Variants in ELL2 observed in about 807,000 individuals in gnomAD.
ELL2 encodes the protein RNA polymerase II elongation factor ELL2.
A neutral mutation model predicts 72.8 loss-of-function variants in ELL2; 21 were observed. The observed-to-expected ratio is 0.29, with a 90% CI of 0.20 to 0.42. The LOEUF (loss-of-function observed/expected upper bound fraction) is 0.42. Among genes scored for constraint, ELL2 ranks in the 10% least tolerant of loss-of-function variants. The probability of loss-of-function intolerance (pLI) is 1.00; values close to 1 mark genes in which losing one functional copy is unlikely to be tolerated. For missense variants in ELL2, 568 were observed against 772.8 expected (o/e 0.73, Z 3.14); for synonymous variants, 266 against 283.2 (o/e 0.94, Z 0.61).
intron 2 of ELL2, among the ~76,000 whole-genome samples, chr5:95,924,002 A>G (rs1428047315): frequency 1.3e-5 from 2 of 152,188 alleles, no homozygotes; most frequent in Non-Finnish European, 2.9e-5. Context: ...GACTTATTGG[A>G]AAGAGCAGGT....
chr5:95,951,957 T>G (rs374405650), intron 1 of ELL2, among the ~76,000 whole-genome samples: 1 of 152,224 alleles, frequency 6.6e-6, no homozygotes, highest in Admixed American at 6.5e-5. Context: ...TAGAGAGTTC[T>G]GCCACTTACT....
At chr5:95,957,725 G>A (rs1751672697) in intron 1 of ELL2, among the ~76,000 whole-genome samples, 2 of 152,100 alleles carry the variant, frequency 1.3e-5, no homozygotes, top group Non-Finnish European at 2.9e-5. Context: ...AATAATGAAG[G>A]TCAAGTAGGA....
At chr5:95,950,666 C>A (rs905386586) in intron 1 of ELL2, among the ~76,000 whole-genome samples, 10 of 151,392 alleles carry the variant, frequency 6.6e-5, no homozygotes, top group African/African-American at 2.2e-4. Flanking sequence ...GTCAATGTAA[C>A]CTTAGATTCA....
At chr5:95,889,064 A>G (rs1748563508) in intron 11 of ELL2, 22 bp downstream of exon 11, 1 of 1,606,500 alleles carries the variant, frequency 6.2e-7, no homozygotes, top group Non-Finnish European at 8.5e-7. Flanking sequence ...CAGGTCAGAA[A>G]ATCAACAGTG....
intron 2 of ELL2, 157 bp downstream of exon 2, chr5:95,942,845 T>C: frequency 2.4e-6 from 1 of 408,954 alleles, no homozygotes; most frequent in Non-Finnish European, 4.4e-6. Context: ...ATAAGATAAT[T>C]CAAGCATCTT....
intron 2 of ELL2, among the ~76,000 whole-genome samples, chr5:95,925,727 T>C (rs989542095): frequency 4.6e-5 from 7 of 152,194 alleles, no homozygotes; most frequent in African/African-American, 1.7e-4. Context: ...ATTTAGGAAA[T>C]GCCAAGTTAA....
chr5:95,897,040 T>G (rs1748902766), intron 8 of ELL2, among the ~76,000 whole-genome samples: 1 of 152,226 alleles, frequency 6.6e-6, no homozygotes, highest in South Asian at 2.1e-4. Context: ...AGCTTACACC[T>G]ACCTTTTGTG....
chr5:95,917,071 A>G (rs143174311), intron 3 of ELL2, among the ~76,000 whole-genome samples: 1 of 152,274 alleles, frequency 6.6e-6, no homozygotes, highest in East Asian at 1.9e-4. Flanking sequence ...GAAAGTTTAA[A>G]TATTTTAGAC....
intron 1 of ELL2, among the ~76,000 whole-genome samples, chr5:95,951,772 G>A (rs1046809847): frequency 6.6e-6 from 1 of 152,190 alleles, no homozygotes; most frequent in African/African-American, 2.4e-5. Context: ...AGGCCACCTC[G>A]AAGTTTATGG....
intron 2 of ELL2, among the ~76,000 whole-genome samples, chr5:95,923,436 G>C (rs1750171605): frequency 6.6e-6 from 1 of 152,064 alleles, no homozygotes; most frequent in East Asian, 1.9e-4. Context: ...TAACACTATG[G>C]GTATATTTGA....
At chr5:95,943,307 C>T (rs1380529726) in intron 1 of ELL2, among the ~76,000 whole-genome samples, 1 of 151,484 alleles carries the variant, frequency 6.6e-6, no homozygotes, top group Non-Finnish European at 1.5e-5. Context: ...TGTATTTGGT[C>T]AGTGTCATAA....
At chr5:95,907,268 T>C (rs1749397462) in intron 4 of ELL2, among the ~76,000 whole-genome samples, 1 of 143,794 alleles carries the variant, frequency 7.0e-6, no homozygotes, top group South Asian at 2.3e-4. Context: ...TCATGAGGCA[T>C]CCGTTAGTGA....
At chr5:95,890,870 A>T (rs1417557035) in intron 10 of ELL2, 21 of 527,000 alleles carry the variant, frequency 4.0e-5, no homozygotes, top group Non-Finnish European at 6.8e-6. Context: ...TTTTCTCAAT[A>T]TGTGATACAT....
chr5:95,923,240 G>GAAA (rs11401689), intron 2 of ELL2, among the ~76,000 whole-genome samples: 81 of 142,218 alleles, frequency 5.7e-4, no homozygotes, highest in African/African-American at 1.9e-3. Context: ...AAAATAAAGT[G>GAAA]AAAAAAAAAA....
Position 95,901,770 on chromosome 5 carries a change from T to G in ELL2, c.742-690A>C, listed in dbSNP as rs559000146. ...CACTGCTGTGGTATCTCAGTGCATGTGTCCAGGTAACCCTTACTGCACTTA... is the reference window on the plus strand; with the variant it reads ...CACTGCTGTGGTATCTCAGTGCATGGGTCCAGGTAACCCTTACTGCACTTA... On this transcript the variant is annotated intron_variant, in intron 5 of 11. Transcript: ENST00000237853. 7.2e-4 allele frequency among the ~76,000 whole-genome samples: 110 copies of G among 152,340 alleles called. No individual in the cohort carries two copies. In the Middle Eastern group the frequency reaches 0.01, roughly 14 times the overall value.
rs1287051882 is a variant in ELL2 at position 95,888,267 on chromosome 5, G to T, written c.*604C>A. 6.6e-6 allele frequency: 1 copy of T among 152,508 alleles called. No homozygotes were observed. The highest frequency in any genetic ancestry group is 1.9e-4 in the East Asian group (1 of 5,202). The allele number at this position is 152,508 out of a possible 1,614,324, so 9.4% of individuals were successfully genotyped here. A position where few individuals can be genotyped will look rare whatever the true frequency, so the allele number is the denominator to read the frequency against. ...ATTGCAATGGGGGGTTAACTTGCAG[G>T]GCGGATTTAATGTTCTAGATCAAGT... On this transcript the variant is annotated 3_prime_UTR_variant, in exon 12 of 12. Transcript: ENST00000237853.
intron 1 of ELL2, among the ~76,000 whole-genome samples, chr5:95,956,485 T>C (rs1751631432): frequency 6.6e-6 from 1 of 152,236 alleles, no homozygotes; most frequent in Non-Finnish European, 1.5e-5. Flanking sequence ...TTTTACTTAA[T>C]AAACATGTCC....
At chr5:95,929,562 T>C (rs1032673506) in intron 2 of ELL2, among the ~76,000 whole-genome samples, 5 of 152,136 alleles carry the variant, frequency 3.3e-5, no homozygotes, top group Admixed American at 3.3e-4. Flanking sequence ...CAGCCGGTCT[T>C]ACCCACTTTT....
intron 2 of ELL2, among the ~76,000 whole-genome samples, chr5:95,922,853 T>G: frequency 6.6e-6 from 1 of 152,236 alleles, no homozygotes; most frequent in Non-Finnish European, 1.5e-5. Flanking sequence ...CTCACCAAAG[T>G]GTTTTGAAAT....
Sources: allele counts gnomAD v4.1 joint callset (sites outside exome capture counted in the v4.1 genomes callset), GRCh38; gene constraint gnomAD v4.1.1; transcripts MANE v1.5; gene names NCBI Gene and HGNC (gene_info 2026-07-23, HGNC 2026-07-21).